The following SPACA6 variants were observed in gnomAD, a reference collection of about 807,000 sequenced individuals.
SPACA6 encodes the protein sperm acrosome associated 6, also known as sperm acrosome membrane-associated protein 6.
For synonymous variants in SPACA6, 6 were observed against 1.5 expected (o/e 4.05, Z -2.21); for missense variants, 8 against 2.8 (o/e 2.88, Z -1.34).
Position 51,694,472 on chromosome 19 carries a change from C to A in SPACA6, c.215-6C>A. On this transcript the variant is annotated splice_region_variant and splice_polypyrimidine_tract_variant and intron_variant, in intron 1 of 8. Coordinates refer to ENST00000637797, the MANE Select transcript of SPACA6 (RefSeq NM_001316972.2). Reference sequence around the variant, plus strand: ...CCCCAGCCCCTGCTCCCTCCCTCACCGCCAGACTATGATGAGAGAAGCCAC... The same window carrying A: ...CCCCAGCCCCTGCTCCCTCCCTCACAGCCAGACTATGATGAGAGAAGCCAC... The A allele has an allele frequency of 2.5e-6, 1 of 399,740 alleles. No homozygotes were observed. The highest frequency in any genetic ancestry group is 4.4e-6 in the Non-Finnish European group (1 of 226,582). 24.8% of individuals were successfully genotyped at this position (399,740 alleles called of 1,614,324 possible). A position where few individuals can be genotyped will look rare whatever the true frequency, so the allele number is the denominator to read the frequency against.
At chr19:51,712,495 G>A (rs1298749108), downstream of SPACA6, 1 of 152,462 alleles carries the variant, frequency 6.6e-6, no homozygotes, top group Non-Finnish European at 1.5e-5. Flanking sequence ...AGATGCTGAT[G>A]GGAAAGGCTC....
intron 2 of SPACA6, among the ~76,000 whole-genome samples, chr19:51,699,988 C>T (rs1340608926): frequency 3.9e-5 from 6 of 152,148 alleles, no homozygotes; most frequent in East Asian, 1.9e-4. Context: ...GCATGGTGGC[C>T]CACACCTGTA....
upstream of SPACA6, chr19:51,689,667 A>C (rs1377240117): frequency 2.3e-5 from 1 of 43,802 alleles, no homozygotes; most frequent in South Asian, 7.5e-4. Context: ...CCTGGATTTC[A>C]GGGTTCTTGG....
chr19:51,696,180 C>A lies in SPACA6; in HGVS notation c.292+1625C>A, dbSNP rs571157994. 2.1e-4 allele frequency among the ~76,000 whole-genome samples: 32 copies of A among 152,190 alleles called. No homozygotes were observed. The South Asian group carries it at 6.4e-3, about 31-fold the overall frequency. The stretch of plus-strand genomic sequence containing the variant: ...GGCAGCTCTGGGTGTAGAAAGAACC[C>A]TCTGGGGTCGTGTCAAAGATGGACC... On this transcript the variant is annotated intron_variant, in intron 2 of 8. Transcript: ENST00000637797.
At position 51,693,614 on chromosome 19, in the gene SPACA6, T is replaced by G. The variant is rs190636035; in HGVS notation, c.88T>G (p.Cys30Gly). The change falls in exon 1 of 9, where the codon TGC (cysteine) becomes GGC (glycine). Residue 30 changes from cysteine (C) to glycine (G), a missense_variant. Transcript: ENST00000637797. ...GGTGCCCGCCTGGGCCTGTCTCCTC[T>G]GCTTCACAACCTACTCTGAGCGCCT... ...FRVPAWACLL[C>G]FTTYSERLRI... The G allele has an allele frequency of 4.7e-6, 2 of 429,982 alleles. No homozygotes were observed. The allele number at this position is 429,982 out of a possible 1,614,324, so 26.6% of individuals were successfully genotyped here.
downstream of SPACA6, among the ~76,000 whole-genome samples, chr19:51,707,637 A>C (rs375535566): frequency 2.8e-4 from 42 of 152,266 alleles, no homozygotes; most frequent in East Asian, 7.7e-3. Context: ...GTGTCCTATA[A>C]TTCATTTAAT....
chr19:51,695,078 A>G (rs567787798), intron 2 of SPACA6, among the ~76,000 whole-genome samples: 3 of 152,116 alleles, frequency 2.0e-5, no homozygotes, highest in Non-Finnish European at 4.4e-5. Context: ...ACACTCACAC[A>G]CACACACAGA....
At chr19:51,689,340 C>G (rs1034270686), upstream of SPACA6, 1 of 149,202 alleles carries the variant, frequency 6.7e-6, no homozygotes, top group Non-Finnish European at 1.5e-5. Context: ...GTCCGACGGC[C>G]GCGCAGCCGG....
chr19:51,698,643 G>A (rs1432135166), intron 2 of SPACA6, among the ~76,000 whole-genome samples: 1 of 152,120 alleles, frequency 6.6e-6, no homozygotes, highest in Non-Finnish European at 1.5e-5. Flanking sequence ...CCACTTCTGG[G>A]CATCAGTGCT....
intron 2 of SPACA6, chr19:51,711,979 G>T (rs2083543399): frequency 6.6e-6 from 1 of 152,202 alleles, no homozygotes; most frequent in African/African-American, 2.4e-5. Context: ...TGGTGGCTGT[G>T]CAAACCTGTA....
chr19:51,693,027 T>C, upstream of SPACA6: 1 of 365,666 alleles, frequency 2.7e-6, no homozygotes, highest in Admixed American at 3.6e-5. Context: ...TCCTTCCCTG[T>C]CTGTCTCCAT....
intron 2 of SPACA6, among the ~76,000 whole-genome samples, chr19:51,699,007 C>G (rs1338318998): frequency 6.6e-6 from 1 of 152,166 alleles, no homozygotes. Flanking sequence ...GCACCACCTT[C>G]TCTGTCTTTG....
chr19:51,708,731 G>A (rs1308977377), downstream of SPACA6, among the ~76,000 whole-genome samples: 2 of 152,198 alleles, frequency 1.3e-5, no homozygotes, highest in Non-Finnish European at 2.9e-5. Flanking sequence ...GGAGGCTGAA[G>A]CACGAGAATT....
chr19:51,710,792 C>T (rs1334950143), intron 2 of SPACA6, among the ~76,000 whole-genome samples: 1 of 152,170 alleles, frequency 6.6e-6, no homozygotes, highest in South Asian at 2.1e-4. Flanking sequence ...TTCCTGAAAG[C>T]CAAGTAGCTA....
chr19:51,704,879 G>T (rs2083504708), intron 8 of SPACA6: 1 of 374,462 alleles, frequency 2.7e-6, no homozygotes, highest in Non-Finnish European at 4.7e-6. Flanking sequence ...AGGAGTCCAG[G>T]CCCCCAGCCC....
Position 51,705,073 on chromosome 19 carries a change from C to T in SPACA6, c.942-17C>T, listed in dbSNP as rs1168921580. ...ACCAACCCCTCCTGTAACACACATACCTCTTTGTTTCCCCAGGATGTTCTT... is the reference window on the plus strand; with the variant it reads ...ACCAACCCCTCCTGTAACACACATATCTCTTTGTTTCCCCAGGATGTTCTT... On this transcript the variant is annotated splice_polypyrimidine_tract_variant and intron_variant, in intron 8 of 8. Coordinates refer to ENST00000637797, the MANE Select transcript of SPACA6 (RefSeq NM_001316972.2). 1 of 401,248 alleles carries T rather than the reference C, an allele frequency of 2.5e-6. No individual in the cohort carries two copies. Among genetic ancestry groups the T allele is most frequent in the Non-Finnish European group, 4.4e-6 (1 of 226,324 alleles). 24.9% of individuals were successfully genotyped at this position (401,248 alleles called of 1,614,324 possible).
At chr19:51,683,741 A>G in the SPACA6 span, among the ~76,000 whole-genome samples, 2 of 152,206 alleles carry the variant, frequency 1.3e-5, no homozygotes, top group Non-Finnish European at 2.9e-5. Context: ...TCCATACATT[A>G]ACTCCTTTAA....
At position 51,694,692 on chromosome 19, in the gene SPACA6, T is replaced by C. The variant is rs114990845; in HGVS notation, c.292+137T>C. 3.8e-3 allele frequency: 1,524 copies of C among 397,634 alleles called. 19 individuals carry two copies. Among genetic ancestry groups the C allele is most frequent in the African/African-American group, 0.027 (1,315 of 48,682 alleles). The allele number at this position is 397,634 out of a possible 1,614,324, so 24.6% of individuals were successfully genotyped here. Reference sequence around the variant, plus strand: ...CCGGGAGGGGAAAGCTGGGAAGACATTGAGCTCAGCTACTTGTCCAAACGA... The same window carrying C: ...CCGGGAGGGGAAAGCTGGGAAGACACTGAGCTCAGCTACTTGTCCAAACGA... On this transcript the variant is annotated intron_variant, in intron 2 of 8. Transcript: ENST00000637797.
downstream of SPACA6, chr19:51,705,316 T>C (rs2083510300): frequency 2.6e-6 from 1 of 385,720 alleles, no homozygotes; most frequent in African/African-American, 2.1e-5. Flanking sequence ...CCAGTGCAAG[T>C]TAGGTGGGAA....
Sources: gnomAD v4.1 joint callset for allele counts (sites outside exome capture counted in the v4.1 genomes callset) on GRCh38, gnomAD v4.1.1 for gene constraint, MANE v1.5 for transcripts, NCBI Gene and HGNC (gene_info 2026-07-23, HGNC 2026-07-21) for gene names.